Variants in SSX1 observed in about 807,000 individuals in gnomAD.
SSX1 encodes the protein protein SSX1.
Under a neutral mutation model 14.6 loss-of-function variants are expected in SSX1, and 58 were observed. That is an observed-to-expected ratio of 3.96 (90% confidence interval 3.21 to 4.93). SSX1 has a LOEUF of 4.93. Ranked by LOEUF, SSX1 falls within the 30% of genes most tolerant of loss-of-function variation. The probability of loss-of-function intolerance (pLI) is 0.00; values close to 1 mark genes in which losing one functional copy is unlikely to be tolerated. For synonymous variants in SSX1, 46 were observed against 52.1 expected, an observed-to-expected ratio of 0.88 and a Z score of 0.50; for missense variants, 272 against 143.1, an observed-to-expected ratio of 1.90 and a Z score of -4.60.
At chrX:48,256,277 C>T (rs1447444205) in intron 1 of SSX1, among the ~76,000 whole-genome samples, 1 of 105,942 alleles carries the variant, frequency 9.4e-6, no homozygotes, top group Non-Finnish European at 1.9e-5. Flanking sequence ...TACAGGCGAG[C>T]ACCACCCCGC....
intron 1 of SSX1, among the ~76,000 whole-genome samples, chrX:48,256,951 G>A (rs1180095653): frequency 1.0e-4 from 11 of 110,216 alleles, no homozygotes; most frequent in Admixed American, 3.9e-4. Context: ...TAGCCCCAGG[G>A]AAACTACTAA....
At chrX:48,255,840 A>G (rs1185619247) in intron 1 of SSX1, among the ~76,000 whole-genome samples, 2 of 104,164 alleles carry the variant, frequency 1.9e-5, no homozygotes, top group African/African-American at 7.1e-5. Flanking sequence ...CCTGGGCTTA[A>G]GCAATCCTTC....
rs782372565 is a variant in SSX1 at position 48,261,766 on chromosome X, T to G, written c.281T>G (p.Val94Gly). The stretch of plus-strand genomic sequence containing the variant: ...AAAATTCTGATGTGTTCTCTTTCAG[T>G]TGAACATCCTCAGATGACTTTCGGC... ...FDNDHNRRIQ[V>G]EHPQMTFGRL... Residue 94 changes from valine (V) to glycine (G), a missense_variant and splice_region_variant, in exon 5 of 8, where the codon GTT becomes GGT. Transcript: ENST00000376919. 8.3e-7 allele frequency: 1 copy of G among 1,209,522 alleles called. No individual in the cohort carries two copies. The highest frequency in any genetic ancestry group is 1.7e-5 in the African/African-American group (1 of 57,284).
intron 1 of SSX1, 64 bp from the exon 2 acceptor site, chrX:48,257,158 G>A: frequency 3.7e-6 from 4 of 1,076,582 alleles, no homozygotes; most frequent in Non-Finnish European, 5.1e-6. Context: ...GGGCTTCACT[G>A]ATTTCTCCCT....
At chrX:48,264,008 G>C (rs781936264) in intron 6 of SSX1, 91 bp downstream of exon 6, 2 of 1,149,194 alleles carry the variant, frequency 1.7e-6, no homozygotes, top group Non-Finnish European at 2.3e-6. Context: ...TCCCAGACAA[G>C]CCTGGGTCCA....
chrX:48,263,944 T>G, intron 6 of SSX1, 27 bp downstream of exon 6: 7 of 1,203,993 alleles, frequency 5.8e-6, no homozygotes, highest in Non-Finnish European at 7.9e-6. Flanking sequence ...TGGGAACAAC[T>G]TCTCTGGCTT....
chrX:48,261,794 G>T lies in SSX1; in HGVS notation c.309G>T (p.Arg103Ser), dbSNP rs370774267. The T allele has an allele frequency of 9.9e-6, 12 of 1,209,206 alleles. No individual in the cohort carries two copies. Among genetic ancestry groups the T allele is most frequent in the African/African-American group, 1.7e-5 (1 of 57,155 alleles). ...QVEHPQMTFG[R>S]LHRIIPKIMP... ...AACATCCTCAGATGACTTTCGGCAG[G>T]CTCCACAGAATCATCCCGAAGGTGA... Residue 103 changes from arginine to serine, a missense_variant, in exon 5 of 8, where the codon AGG becomes AGT. Physicochemically the swap from Arg to Ser is moderately radical, Grantham distance 110 (BLOSUM62 -1). Coordinates refer to ENST00000376919, the MANE Select transcript of SSX1 (RefSeq NM_005635.4).
chrX:48,261,541 A>G (rs2059603735), intron 4 of SSX1, among the ~76,000 whole-genome samples: 2 of 112,354 alleles, frequency 1.8e-5, no homozygotes. Context: ...CTGTGATGGG[A>G]TTTAACCCCC....
rs1243526601 is a variant in SSX1 at position 48,267,068 on chromosome X, A to G, written c.*219A>G. 4.5e-6 allele frequency: 2 copies of G among 445,445 alleles called. No individual in the cohort carries two copies. The highest frequency in any genetic ancestry group is 2.4e-5 in the African/African-American group (1 of 40,980). The allele number at this position is 445,445 out of a possible 1,213,427, so 36.7% of individuals were successfully genotyped here. On this transcript the variant is annotated 3_prime_UTR_variant, in exon 8 of 8. Transcript: ENST00000376919. Reference sequence around the variant, plus strand: ...CTTACAGTGTGCCATTCTGTTAGATACTATCCTTATAATTGATGAGCAAGA... The same window carrying G: ...CTTACAGTGTGCCATTCTGTTAGATGCTATCCTTATAATTGATGAGCAAGA...
rs139195586 is a variant in SSX1, at chrX:48,261,811, C to G, written c.326C>G (p.Pro109Arg). ...MTFGRLHRII[P>R]KIMPKKPAED... ...TTCGGCAGGCTCCACAGAATCATCC[C>G]GAAGGTGAGTATCTCTCAAATCTAA... is the stretch of plus-strand genomic sequence containing the variant. Residue 109 changes from proline to arginine, a missense_variant, in exon 5 of 8, where the codon CCG (proline) becomes CGG (arginine). Transcript: ENST00000376919. The G allele has an allele frequency of 1.1e-5, 13 of 1,210,232 alleles. No homozygotes were observed. Among genetic ancestry groups the G allele is most frequent in the Non-Finnish European group, 1.3e-5 (12 of 894,434 alleles).
rs781791073 is a variant in SSX1, at chrX:48,260,746, T to C, written c.281-1020T>C. Among the ~76,000 whole-genome samples the C allele has an allele frequency of 2.6e-4, 28 of 108,269 alleles. 1 individual carries two copies. Among genetic ancestry groups the C allele is most frequent in the African/African-American group, 8.7e-4 (26 of 29,850 alleles). 94.0% of individuals were successfully genotyped at this position (108,269 alleles called of 115,157 possible). On this transcript the variant is annotated intron_variant, in intron 4 of 7. Transcript: ENST00000376919. ...CAGACAAACAGATAGCTAAACACTG[T>C]TAATGAATCAAAGGACAGTTAAGAC...
At chrX:48,259,393 T>C (rs1214940261) in intron 4 of SSX1, among the ~76,000 whole-genome samples, 1 of 112,159 alleles carries the variant, frequency 8.9e-6, no homozygotes, top group Non-Finnish European at 1.9e-5. Flanking sequence ...TTATTCCCCA[T>C]ACTATTCTGT....
At chrX:48,261,065 A>G (rs1453040035) in intron 4 of SSX1, among the ~76,000 whole-genome samples, 1 of 112,039 alleles carries the variant, frequency 8.9e-6, no homozygotes, top group Non-Finnish European at 1.9e-5. Context: ...ATAACATAGG[A>G]TGAAAAAAAG....
intron 1 of SSX1, among the ~76,000 whole-genome samples, chrX:48,256,722 C>T (rs1556934439): frequency 4.7e-5 from 5 of 106,443 alleles, no homozygotes. Context: ...GCTTCTAAAT[C>T]TGTTCATATT....
At chrX:48,264,075 G>T (rs782170492) in intron 6 of SSX1, among the ~76,000 whole-genome samples, 158 bp downstream of exon 6, 2 of 112,119 alleles carry the variant, frequency 1.8e-5, no homozygotes, top group South Asian at 3.7e-4. Context: ...GACTTCCAGA[G>T]ATGCAGACTG....
chrX:48,257,186 C>A, intron 1 of SSX1, 36 bp from the exon 2 acceptor site: 1 of 1,173,133 alleles, frequency 8.5e-7, no homozygotes, highest in Non-Finnish European at 1.2e-6. Context: ...ACCAAGGGTC[C>A]TGTAGCTAGA....
chrX:48,257,844 G>T lies in SSX1; in HGVS notation c.168G>T (p.Lys56Asn). 8.5e-7 allele frequency: 1 copy of T among 1,182,310 alleles called. No individual in the cohort carries two copies. The highest frequency in any genetic ancestry group is 1.1e-6 in the Non-Finnish European group (1 of 873,386). ...ATGTGTATATGAAGAGAAACTATAA[G>T]GCCATGACTAAACTAGGTAACAGAA... is the stretch of plus-strand genomic sequence containing the variant. ...ISYVYMKRNY[K>N]AMTKLGFKVT... The change falls in exon 3 of 8, where the codon AAG becomes AAT. Residue 56 changes from lysine to asparagine, a missense_variant. Coordinates refer to ENST00000376919, the MANE Select transcript of SSX1 (RefSeq NM_005635.4).
intron 5 of SSX1, 137 bp from the exon 6 acceptor site, chrX:48,263,645 T>C: frequency 1.1e-6 from 1 of 894,576 alleles, no homozygotes; most frequent in Middle Eastern, 4.0e-4. Context: ...CAGGTTTGTC[T>C]CATTTAGGCA....
chrX:48,266,763 G>A, intron 7 of SSX1, 91 bp from the exon 8 acceptor site: 4 of 608,901 alleles, frequency 6.6e-6, no homozygotes, highest in Non-Finnish European at 1.1e-5. Context: ...ATCAGAGTGT[G>A]CAGGGTCTGC....
Sources: gnomAD v4.1 joint callset for allele counts (sites outside exome capture counted in the v4.1 genomes callset) on GRCh38, gnomAD v4.1.1 for gene constraint, MANE v1.5 for transcripts, NCBI Gene and HGNC (gene_info 2026-07-23, HGNC 2026-07-21) for gene names.